ESF1: variants seen among roughly 807,000 people sequenced by gnomAD.
ESF1 encodes the protein ESF1 nucleolar pre-rRNA processing protein.
A neutral mutation model predicts 92.0 loss-of-function variants in ESF1; 58 were observed. That is an observed-to-expected ratio of 0.63 (90% CI 0.51 to 0.78). The LOEUF (loss-of-function observed/expected upper bound fraction) is 0.78, where lower values mean the gene tolerates loss of function less well. Among genes scored for constraint, ESF1 ranks in the 30% least tolerant of loss-of-function variants. ESF1 has a pLI of 0.00. For missense variants in ESF1, 922 were observed against 989.1 expected (o/e 0.93, Z 0.91); for synonymous variants, 321 against 313.7 (o/e 1.02, Z -0.24).
intron 9 of ESF1, among the ~76,000 whole-genome samples, chr20:13,758,711 C>T (rs1979015490): frequency 1.3e-5 from 2 of 152,054 alleles, no homozygotes; most frequent in South Asian, 4.2e-4. Context: ...AGAACTGAAC[C>T]CTTATCCAAA....
intron 11 of ESF1, among the ~76,000 whole-genome samples, chr20:13,723,251 A>C (rs1264823192): frequency 6.6e-6 from 1 of 152,148 alleles, no homozygotes; most frequent in Non-Finnish European, 1.5e-5. Flanking sequence ...TAAGCGCCCT[A>C]GTGATTTACT....
chr20:13,746,072 C>A (rs2050046529), intron 9 of ESF1, among the ~76,000 whole-genome samples: 4 of 151,994 alleles, frequency 2.6e-5, no homozygotes, highest in African/African-American at 7.2e-5. Flanking sequence ...TCAAGAGATT[C>A]TCAAGCCTCA....
chr20:13,727,084 C>T lies in ESF1; in HGVS notation c.2038+1294G>A, dbSNP rs188880815. Among the ~76,000 whole-genome samples, 685 of 152,296 alleles carry T rather than the reference C, an allele frequency of 4.5e-3. 3 individuals are homozygous for T. Among genetic ancestry groups the T allele is most frequent in the Middle Eastern group, 0.01 (3 of 294 alleles). The stretch of plus-strand genomic sequence containing the variant: ...TACCCCAAGCCATCAAACCATTTAA[C>T]TTATTCTTTGAATCCTATTCTGAGT... On this transcript the variant is annotated intron_variant, in intron 11 of 13. Coordinates refer to ENST00000617257, the MANE Select transcript of ESF1 (RefSeq NM_001276380.2).
intron 9 of ESF1, among the ~76,000 whole-genome samples, chr20:13,740,495 TGGAAAA>T (rs1170093858): frequency 1.3e-5 from 2 of 152,180 alleles, no homozygotes; most frequent in African/African-American, 4.8e-5. Flanking sequence ...TTCAAAGGGA[TGGAAAA>T]TATGAGTTAT....
intron 9 of ESF1, among the ~76,000 whole-genome samples, chr20:13,759,113 C>T (rs2147760532): frequency 6.6e-6 from 1 of 152,276 alleles, no homozygotes; most frequent in South Asian, 2.1e-4. Flanking sequence ...TAACAAACTG[C>T]AGAAAGTGAA....
Position 13,717,490 on chromosome 20 carries a change from C to T in ESF1, c.2140G>A (p.Asp714Asn). 6.2e-7 allele frequency: 1 copy of T among 1,613,954 alleles called. No individual in the cohort carries two copies. ...TGTTTCTTACTGTCCTCGTCCTCAT[C>T]CATCATAAGCAAAGCCATTTCAGCC... ...QKAEMALLMM[D>N]EDEDSKKHFN... The change falls in exon 13 of 14, where the codon GAT becomes AAT. Residue 714 changes from aspartate to asparagine, a missense_variant. Physicochemically the swap from Asp to Asn is conservative, Grantham distance 23 (BLOSUM62 1). Coordinates refer to ENST00000617257, the MANE Select transcript of ESF1 (RefSeq NM_001276380.2).
chr20:13,755,394 A>G (rs770178963), intron 9 of ESF1, among the ~76,000 whole-genome samples: 2 of 152,214 alleles, frequency 1.3e-5, no homozygotes, highest in Non-Finnish European at 2.9e-5. Flanking sequence ...AAAAAATATT[A>G]TGTAGATTAA....
At chr20:13,766,631 ATTTT>A (rs1008114222) in intron 8 of ESF1, 142 bp downstream of exon 8, 1 of 686,326 alleles carries the variant, frequency 1.5e-6, no homozygotes, top group African/African-American at 1.8e-5. Flanking sequence ...GGCAAAGAAA[ATTTT>A]TTTTTAAAAA....
At chr20:13,749,274 C>T (rs1416038106) in intron 9 of ESF1, among the ~76,000 whole-genome samples, 11 of 86,682 alleles carry the variant, frequency 1.3e-4, no homozygotes, top group East Asian at 7.6e-4. Context: ...TTTGTAGCAA[C>T]AGGGTTTCAC....
Position 13,771,407 on chromosome 20 carries a change from G to A in ESF1, c.1327C>T (p.Pro443Ser), listed in dbSNP as rs770822021. 6.2e-7 allele frequency: 1 copy of A among 1,612,902 alleles called. No individual in the cohort carries two copies. The highest frequency in any genetic ancestry group is 2.2e-5 in the East Asian group (1 of 44,770). Residue 443 changes from proline (P) to serine (S), a missense_variant, in exon 6 of 14, where the codon CCG becomes TCG. Physicochemically the swap from Pro to Ser is moderately conservative, Grantham distance 74 (BLOSUM62 -1). Coordinates refer to ENST00000617257, the MANE Select transcript of ESF1 (RefSeq NM_001276380.2). ...YYYAVVDCDSPETASKIYEDC... is the reference protein window; with the variant it reads ...YYYAVVDCDSSETASKIYEDC... ...TCATAAATTTTACTAGCTGTTTCCG[G>A]AGAATCACAGTCTACTACTGCATAA...
At chr20:13,778,558 A>G (rs1600296674) in intron 2 of ESF1, among the ~76,000 whole-genome samples, 1 of 152,160 alleles carries the variant, frequency 6.6e-6, no homozygotes, top group East Asian at 1.9e-4. Context: ...TTGTTTTCTA[A>G]GATGTTGACA....
At chr20:13,781,753 A>G (rs1179823704) in intron 2 of ESF1, among the ~76,000 whole-genome samples, 1 of 152,212 alleles carries the variant, frequency 6.6e-6, no homozygotes, top group Non-Finnish European at 1.5e-5. Context: ...ATGGGTGACG[A>G]CGCCTTACTC....
chr20:13,758,277 C>T (rs1978991749), intron 9 of ESF1, among the ~76,000 whole-genome samples: 1 of 152,172 alleles, frequency 6.6e-6, no homozygotes, highest in South Asian at 2.1e-4. Context: ...GTTAAAATCA[C>T]TTTTTAGACT....
intron 9 of ESF1, among the ~76,000 whole-genome samples, chr20:13,754,446 T>G (rs1978788200): frequency 6.6e-6 from 1 of 152,200 alleles, no homozygotes; most frequent in African/African-American, 2.4e-5. Flanking sequence ...TCTTATTCAC[T>G]TTCAGAGATT....
Position 13,733,792 on chromosome 20 carries a change from C to G in ESF1, c.1879G>C (p.Asp627His). The change falls in exon 10 of 14, where the codon GAT becomes CAT. Residue 627 changes from aspartate to histidine, a missense_variant. Coordinates refer to ENST00000617257, the MANE Select transcript of ESF1 (RefSeq NM_001276380.2). ...EMVKNKLEGK[D>H]KLTPWEQFLE... The stretch of plus-strand genomic sequence containing the variant: ...AATTGTTCCCAAGGGGTCAGTTTAT[C>G]CTTTCCTTCCAATTTGTTTTTGACC... 1 of 1,612,876 alleles carries G rather than the reference C, an allele frequency of 6.2e-7. No individual in the cohort carries two copies. Among genetic ancestry groups the G allele is most frequent in the Non-Finnish European group, 8.5e-7 (1 of 1,179,684 alleles).
At chr20:13,779,579 G>GT in intron 2 of ESF1, among the ~76,000 whole-genome samples, 1 of 152,186 alleles carries the variant, frequency 6.6e-6, no homozygotes, top group Admixed American at 6.5e-5. Context: ...CTGTTGCCCA[G>GT]GCTGGAGTGC....
intron 11 of ESF1, among the ~76,000 whole-genome samples, chr20:13,724,713 A>G (rs1414148015): frequency 6.6e-6 from 1 of 152,206 alleles, no homozygotes. Context: ...TCAGATTAAA[A>G]TGTAAAGTAT....
chr20:13,777,496 G>A (rs1005667303), intron 2 of ESF1, among the ~76,000 whole-genome samples: 1 of 152,216 alleles, frequency 6.6e-6, no homozygotes, highest in Non-Finnish European at 1.5e-5. Flanking sequence ...ACAGCTCAGA[G>A]AAGTCTGGGT....
chr20:13,762,862 T>TG (rs1312205759), intron 8 of ESF1: 1 of 337,580 alleles, frequency 3.0e-6, no homozygotes, highest in Non-Finnish European at 5.6e-6. Flanking sequence ...AAGTTTTTTT[T>TG]TTTTTTTTTT....
Sources: allele counts gnomAD v4.1 joint callset (sites outside exome capture counted in the v4.1 genomes callset), GRCh38; gene constraint gnomAD v4.1.1; transcripts MANE v1.5; gene names NCBI Gene and HGNC (gene_info 2026-07-23, HGNC 2026-07-21).